Variants in FAM78B observed in about 807,000 individuals in gnomAD.
The protein encoded by FAM78B is protein FAM78B.
In FAM78B, 10 loss-of-function variants were observed where a neutral mutation model predicts 20.0. That is an observed-to-expected ratio of 0.50 (90% CI 0.31 to 0.85). The LOEUF (loss-of-function observed/expected upper bound fraction) is 0.85. Among genes scored for constraint, FAM78B ranks in the 40% least tolerant of loss-of-function variants. The pLI is 0.05. For synonymous variants in FAM78B, 135 were observed against 132.8 expected, an observed-to-expected ratio of 1.02 and a Z score of -0.12; for missense variants, 283 against 345.0, an observed-to-expected ratio of 0.82 and a Z score of 1.42.
At chr1:166,096,903 G>A (rs1462161782) in intron 1 of FAM78B, among the ~76,000 whole-genome samples, 3 of 152,188 alleles carry the variant, frequency 2.0e-5, no homozygotes, top group Non-Finnish European at 4.4e-5. Flanking sequence ...GGACAGAGCA[G>A]CGGGCGGCGG....
chr1:166,092,728 C>A (rs1280385114), intron 1 of FAM78B, among the ~76,000 whole-genome samples: 1 of 152,154 alleles, frequency 6.6e-6, no homozygotes, highest in Non-Finnish European at 1.5e-5. Flanking sequence ...CATTTTAGGT[C>A]CAACCATCCC....
intron 1 of FAM78B, among the ~76,000 whole-genome samples, chr1:166,079,461 C>T (rs1652478288): frequency 1.3e-5 from 2 of 152,206 alleles, no homozygotes; most frequent in African/African-American, 2.4e-5. Context: ...TGTGTATGCA[C>T]TTTTGGGCCC....
At chr1:166,153,438 G>A (rs914978519) in intron 1 of FAM78B, among the ~76,000 whole-genome samples, 13 of 152,216 alleles carry the variant, frequency 8.5e-5, no homozygotes, top group African/African-American at 3.1e-4. Context: ...AAGGCAGGCA[G>A]GAACCTGGCA....
intron 1 of FAM78B, among the ~76,000 whole-genome samples, chr1:166,139,761 C>G (rs531800748): frequency 1.4e-4 from 22 of 152,328 alleles, no homozygotes; most frequent in African/African-American, 5.1e-4. Context: ...CCTGTGGACA[C>G]GATCAACCAG....
At chr1:166,116,597 C>T (rs1654267681) in intron 1 of FAM78B, among the ~76,000 whole-genome samples, 1 of 152,212 alleles carries the variant, frequency 6.6e-6, no homozygotes, top group Non-Finnish European at 1.5e-5. Flanking sequence ...TCCACCTGCC[C>T]TCTCTGGGGT....
intron 1 of FAM78B, among the ~76,000 whole-genome samples, chr1:166,142,725 G>A (rs551637858): frequency 5.9e-5 from 9 of 152,274 alleles, no homozygotes; most frequent in East Asian, 1.9e-4. Flanking sequence ...CACATAAAAG[G>A]CCCTCTAGGC....
chr1:166,153,613 G>A (rs1459188810), intron 1 of FAM78B, among the ~76,000 whole-genome samples: 2 of 152,134 alleles, frequency 1.3e-5, no homozygotes, highest in Non-Finnish European at 2.9e-5. Flanking sequence ...GGTCTCCAGG[G>A]AGGGTAGAAG....
chr1:166,165,380 C>T (rs1036798991), intron 1 of FAM78B, among the ~76,000 whole-genome samples: 8 of 152,146 alleles, frequency 5.3e-5, no homozygotes, highest in Non-Finnish European at 7.4e-5. Context: ...CCAGGGGGCG[C>T]GGAAACAGAG....
intron 1 of FAM78B, 26 bp downstream of exon 1, chr1:166,165,960 C>T: frequency 6.2e-7 from 1 of 1,613,150 alleles, no homozygotes; most frequent in South Asian, 1.1e-5. Context: ...AGAGTCCGCT[C>T]CCGTGCCGCG....
chr1:166,092,672 G>A (rs765971387), intron 1 of FAM78B, among the ~76,000 whole-genome samples: 1 of 152,124 alleles, frequency 6.6e-6, no homozygotes, highest in Non-Finnish European at 1.5e-5. Flanking sequence ...TGTGACCCGA[G>A]GGCGTGGGCT....
chr1:166,076,054 T>C (rs1187453709), intron 1 of FAM78B, among the ~76,000 whole-genome samples: 1 of 152,214 alleles, frequency 6.6e-6, no homozygotes, highest in Non-Finnish European at 1.5e-5. Context: ...TTGTCTCTCT[T>C]AGATTACTGC....
chr1:166,078,436 C>T (rs1197235940), intron 1 of FAM78B, among the ~76,000 whole-genome samples: 1 of 152,216 alleles, frequency 6.6e-6, no homozygotes, highest in Non-Finnish European at 1.5e-5. Flanking sequence ...CCAAAGCTCA[C>T]AGCTAATGGA....
chr1:166,067,970 GAA>G (rs1238864305), downstream of FAM78B, among the ~76,000 whole-genome samples: 3 of 152,264 alleles, frequency 2.0e-5, no homozygotes, highest in African/African-American at 4.8e-5. Flanking sequence ...ATAAGCTTCT[GAA>G]AAAGTTATTT....
At chr1:166,092,862 T>C (rs1221507212) in intron 1 of FAM78B, among the ~76,000 whole-genome samples, 1 of 152,128 alleles carries the variant, frequency 6.6e-6, no homozygotes, top group Non-Finnish European at 1.5e-5. Context: ...AAGGAATAAG[T>C]CACTTGTTAA....
chr1:166,157,367 G>C (rs1298865816), intron 1 of FAM78B, among the ~76,000 whole-genome samples: 1 of 151,194 alleles, frequency 6.6e-6, no homozygotes, highest in Non-Finnish European at 1.5e-5. Flanking sequence ...TCTTATTACT[G>C]TCCATTTATG....
rs1204751366 is a variant in FAM78B, at chr1:166,122,724, G to C, written c.263+43262C>G. Among the ~76,000 whole-genome samples, 3 of 152,166 alleles carry C rather than the reference G, an allele frequency of 2.0e-5. No homozygotes were observed. The East Asian group carries it at 5.8e-4, about 29-fold the overall frequency. On this transcript the variant is annotated intron_variant, in intron 1 of 1. Transcript: ENST00000354422. ...GCTTCTTAGCTGCCAAATGGGGATG[G>C]AAAATATCTAACAGGATTATTGCGA...
exon 3 of FAM78B, chr1:166,060,242 G>C: frequency 4.8e-6 from 1 of 209,736 alleles, no homozygotes; most frequent in Non-Finnish European, 9.8e-6. Flanking sequence ...GGGAAGGCAG[G>C]GTTTGGGAAC....
intron 1 of FAM78B, among the ~76,000 whole-genome samples, chr1:166,119,512 C>T (rs1004120322): frequency 2.6e-5 from 4 of 152,158 alleles, no homozygotes; most frequent in African/African-American, 7.2e-5. Context: ...TTTCCCAGAG[C>T]GACAAGAATC....
chr1:166,139,566 GC>G (rs2101787422), intron 1 of FAM78B, among the ~76,000 whole-genome samples: 1 of 152,316 alleles, frequency 6.6e-6, no homozygotes, highest in Non-Finnish European at 1.5e-5. Flanking sequence ...CCATAAGGCA[GC>G]CTTGGGGAGG....
Sources: gnomAD v4.1 joint callset for allele counts (sites outside exome capture counted in the v4.1 genomes callset) on GRCh38, gnomAD v4.1.1 for gene constraint, MANE v1.5 for transcripts, NCBI Gene and HGNC (gene_info 2026-07-23, HGNC 2026-07-21) for gene names.